LPIN1: variants seen among roughly 807,000 people sequenced by gnomAD.
LPIN1 encodes lipin 1.
LPIN1 carries 71 observed loss-of-function variants against 107.5 expected under a neutral mutation model. That is an observed-to-expected ratio of 0.66 (90% CI 0.55 to 0.80). The LOEUF (loss-of-function observed/expected upper bound fraction) is 0.80, where lower values mean the gene tolerates loss of function less well. Ranked by LOEUF, LPIN1 falls within the 30% of genes least tolerant of loss-of-function variation. The pLI is 0.00. For missense variants in LPIN1, 1,043 were observed against 1,160.6 expected (o/e 0.90, Z 1.47); for synonymous variants, 445 against 452.6 (o/e 0.98, Z 0.21).
chr2:11,720,944 C>A (rs896220637), upstream of LPIN1, among the ~76,000 whole-genome samples: 3 of 151,882 alleles, frequency 2.0e-5, no homozygotes, highest in Admixed American at 6.6e-5. Context: ...CAGGGCGAGT[C>A]CTTGTCTGCC....
At chr2:11,681,923 C>A (rs560899894) in intron 1 of LPIN1, among the ~76,000 whole-genome samples, 1 of 152,308 alleles carries the variant, frequency 6.6e-6, no homozygotes, top group Non-Finnish European at 1.5e-5. Flanking sequence ...ACGCCCCTGA[C>A]GGTGGCCGGG....
chr2:11,764,070 GTGTGTGTGTATATA>G (rs1197962370), intron 1 of LPIN1: 1 of 88,666 alleles, frequency 1.1e-5, no homozygotes, highest in African/African-American at 5.6e-5. Context: ...GTGTGTGTGT[GTGTGTGTGTATATA>G]TATATATATA....
chr2:11,769,828 C>T lies in LPIN1; in HGVS notation c.289-1544C>T, dbSNP rs554915471. ...GAAATCGACTTGAACTAGTTCCTTT[C>T]CAGGAAGACAGCTATGATTAAAAAG... On this transcript the variant is annotated intron_variant, in intron 3 of 20. Coordinates refer to ENST00000674199, the MANE Select transcript of LPIN1 (RefSeq NM_001349206.2). Among the ~76,000 whole-genome samples the T allele has an allele frequency of 2.2e-3, 337 of 152,268 alleles. 1 individual carries two copies. Among genetic ancestry groups the T allele is most frequent in the Non-Finnish European group, 4.1e-3 (280 of 68,008 alleles).
chr2:11,723,596 G>T (rs968129968), upstream of LPIN1: 13 of 152,180 alleles, frequency 8.5e-5, no homozygotes, highest in African/African-American at 2.9e-4. Flanking sequence ...GACGGAGCTT[G>T]CAGTGAGCTG....
chr2:11,799,021 A>T (rs1172689029), intron 14 of LPIN1, among the ~76,000 whole-genome samples: 1 of 152,212 alleles, frequency 6.6e-6, no homozygotes, highest in Non-Finnish European at 1.5e-5. Context: ...ACTGTAAAGC[A>T]AGCAACATTT....
chr2:11,700,279 C>T (rs182985070), intron 1 of LPIN1, among the ~76,000 whole-genome samples: 16 of 152,278 alleles, frequency 1.1e-4, no homozygotes, highest in Admixed American at 9.8e-4. Context: ...AGCTTTGCAT[C>T]CCAGGGTACT....
At chr2:11,797,787 T>C (rs1237704396) in intron 14 of LPIN1, among the ~76,000 whole-genome samples, 1 of 152,208 alleles carries the variant, frequency 6.6e-6, no homozygotes, top group Non-Finnish European at 1.5e-5. Context: ...TTTGAGTTAA[T>C]GCTGAAATGA....
chr2:11,693,643 G>A (rs1662380465), intron 1 of LPIN1, among the ~76,000 whole-genome samples: 1 of 151,338 alleles, frequency 6.6e-6, no homozygotes, highest in Non-Finnish European at 1.5e-5. Context: ...ACCTCTCTGA[G>A]CCTCAATTTC....
intron 1 of LPIN1, among the ~76,000 whole-genome samples, chr2:11,690,493 T>C (rs558548026): frequency 1.2e-4 from 19 of 152,344 alleles, no homozygotes; most frequent in African/African-American, 4.6e-4. Flanking sequence ...TTTTTACTCA[T>C]CACTCGTTCA....
rs563610988 is a variant in LPIN1, at chr2:11,764,616, T to C, written c.-9-917T>C. 2.0e-5 allele frequency among the ~76,000 whole-genome samples: 3 copies of C among 152,332 alleles called. No homozygotes were observed. The East Asian group carries it at 5.8e-4, about 29-fold the overall frequency. On this transcript the variant is annotated intron_variant, in intron 1 of 20. Transcript: ENST00000674199. ...GCTGGCCAGCAGCCCAGAGCGCTGG[T>C]GTTCCCTGGAGCAGTGGAGAGAAGT...
intron 20 of LPIN1, among the ~76,000 whole-genome samples, chr2:11,822,086 T>G (rs1053704493): frequency 1.4e-4 from 21 of 152,218 alleles, no homozygotes; most frequent in African/African-American, 5.1e-4. Context: ...TATAGTCTGT[T>G]TTCATGCTGT....
intron 9 of LPIN1, 90 bp downstream of exon 9, chr2:11,784,012 G>A (rs186424907): frequency 4.4e-6 from 7 of 1,603,920 alleles, no homozygotes; most frequent in Non-Finnish European, 6.0e-6. Context: ...TGATTAGAAA[G>A]TGTGCAAGAC....
At chr2:11,794,279 T>C (rs1276454340) in intron 13 of LPIN1, among the ~76,000 whole-genome samples, 5 of 152,252 alleles carry the variant, frequency 3.3e-5, no homozygotes, top group Admixed American at 2.6e-4. Flanking sequence ...CAGTGACTTC[T>C]TTGTAGAATA....
intron 1 of LPIN1, among the ~76,000 whole-genome samples, chr2:11,755,276 CATTTTTA>C (rs1668491917): frequency 6.6e-6 from 1 of 152,134 alleles, no homozygotes; most frequent in Non-Finnish European, 1.5e-5. Context: ...CATTTCTTCT[CATTTTTA>C]AATTTTAGTG....
chr2:11,685,694 C>T (rs765910058), intron 1 of LPIN1, among the ~76,000 whole-genome samples: 3 of 152,162 alleles, frequency 2.0e-5, no homozygotes, highest in Admixed American at 6.5e-5. Context: ...CTTTTCTAGG[C>T]ATGCCTATGG....
In LPIN1 at chr2:11,825,752, T is replaced by G; in HGVS notation, c.*961T>G. 1 of 152,276 alleles carries G rather than the reference T, an allele frequency of 6.6e-6. No homozygotes were observed. Among genetic ancestry groups the G allele is most frequent in the Non-Finnish European group, 1.5e-5 (1 of 68,028 alleles). The allele number at this position is 152,276 out of a possible 1,614,324, so 9.4% of individuals were successfully genotyped here. ...AAGAAACTGGTTGGTTTTAAGAAAA[T>G]AGTTTCAAGAAGTTCAACTATATTC... On this transcript the variant is annotated 3_prime_UTR_variant, in exon 21 of 21. Transcript: ENST00000674199. The surrounding 1 kb of genome is among the most constrained non-coding windows in gnomAD (Gnocchi z 4.1).
chr2:11,714,378 T>C (rs887978182), intron 2 of LPIN1, among the ~76,000 whole-genome samples: 2 of 152,188 alleles, frequency 1.3e-5, no homozygotes, highest in Non-Finnish European at 2.9e-5. Context: ...CGAGGCTGTC[T>C]TTTTGGCTCT....
At chr2:11,721,339 C>CTGTGAAG (rs2148533915), upstream of LPIN1, among the ~76,000 whole-genome samples, 1 of 143,254 alleles carries the variant, frequency 7.0e-6, no homozygotes, top group African/African-American at 2.6e-5. Context: ...TGATCTGTGC[C>CTGTGAAG]TGTGAAGTCA....
upstream of LPIN1, among the ~76,000 whole-genome samples, chr2:11,744,558 C>A (rs1666702932): frequency 1.3e-5 from 2 of 152,348 alleles, no homozygotes; most frequent in South Asian, 4.1e-4. Flanking sequence ...GCTGGGCCCC[C>A]CAGCTCATCA....
Sources: allele counts gnomAD v4.1 joint callset (sites outside exome capture counted in the v4.1 genomes callset), GRCh38; gene constraint gnomAD v4.1.1; non-coding constraint Gnocchi (gnomAD v3.1); transcripts MANE v1.5; gene names NCBI Gene and HGNC (gene_info 2026-07-23, HGNC 2026-07-21).